Variants in TERB1 observed in about 807,000 individuals in gnomAD.
The protein encoded by TERB1 is telomere repeats-binding bouquet formation protein 1.
Under a neutral mutation model 92.3 loss-of-function variants are expected in TERB1, and 63 were observed. The ratio of observed to expected loss-of-function variants is 0.68; its 90% CI spans 0.56 to 0.84. TERB1 has a LOEUF of 0.84. TERB1 is among the 40% of genes least tolerant of loss of function. The pLI is 0.00. For synonymous variants in TERB1, 252 were observed against 283.9 expected (o/e 0.89, Z 1.13); for missense variants, 709 against 843.7 (o/e 0.84, Z 1.98).
At chr16:66,776,629 AAG>A (rs921191355) in intron 11 of TERB1, among the ~76,000 whole-genome samples, 70 of 152,108 alleles carry the variant, frequency 4.6e-4, no homozygotes, top group African/African-American at 1.6e-3. Flanking sequence ...GAGAGATTAG[AAG>A]AGAGAGGGGT....
intron 16 of TERB1, among the ~76,000 whole-genome samples, chr16:66,764,200 CTT>C (rs1251425755): frequency 2.0e-5 from 3 of 152,086 alleles, no homozygotes; most frequent in Non-Finnish European, 4.4e-5. Flanking sequence ...TGAGAGGTTA[CTT>C]TAGTAGTCCG....
chr16:66,782,549 C>CAA (rs1021881453), intron 9 of TERB1, among the ~76,000 whole-genome samples: 13 of 78,924 alleles, frequency 1.6e-4, no homozygotes, highest in Non-Finnish European at 2.1e-4. Flanking sequence ...AATTCTGTCT[C>CAA]AAAAAAAAAA....
chr16:66,775,797 G>A (rs996538345), intron 11 of TERB1, among the ~76,000 whole-genome samples: 3 of 142,440 alleles, frequency 2.1e-5, no homozygotes, highest in Admixed American at 7.4e-5. Flanking sequence ...TGCAGTCTCC[G>A]CCTCCCGGGT....
intron 9 of TERB1, among the ~76,000 whole-genome samples, chr16:66,785,081 G>A (rs914103393): frequency 6.9e-6 from 1 of 145,562 alleles, no homozygotes; most frequent in Non-Finnish European, 1.5e-5. Context: ...GTGCAATGGT[G>A]TGATCTTGGC....
chr16:66,796,166 T>C (rs1017527162), intron 3 of TERB1, among the ~76,000 whole-genome samples: 2 of 152,250 alleles, frequency 1.3e-5, no homozygotes, highest in African/African-American at 4.8e-5. Context: ...CTATTAAGTT[T>C]ACCATTAACA....
chr16:66,761,481 GA>G (rs2018249171), intron 16 of TERB1, among the ~76,000 whole-genome samples: 1 of 141,914 alleles, frequency 7.0e-6, no homozygotes, highest in Non-Finnish European at 1.5e-5. Flanking sequence ...AAGAAAGAAA[GA>G]AAAGAAAAGA....
At chr16:66,780,296 T>C (rs2018614496) in intron 9 of TERB1, among the ~76,000 whole-genome samples, 2 of 152,146 alleles carry the variant, frequency 1.3e-5, no homozygotes, top group Non-Finnish European at 2.9e-5. Context: ...TAGTAGCTCA[T>C]GTCTGTAATC....
chr16:66,771,668 C>T (rs2018454445), intron 13 of TERB1, among the ~76,000 whole-genome samples: 1 of 136,750 alleles, frequency 7.3e-6, no homozygotes, highest in Admixed American at 7.0e-5. Context: ...CACACACACA[C>T]ACACACACAC....
chr16:66,785,912 A>G lies in TERB1; in HGVS notation c.578-4T>C. On this transcript the variant is annotated splice_region_variant and splice_polypyrimidine_tract_variant and intron_variant, in intron 8 of 18. Coordinates refer to ENST00000433154, the MANE Select transcript of TERB1 (RefSeq NM_001136505.2). ...CAGCAAAACATTTGATTCTCATCTG[A>G]AAGAAGACAAAGTCAATCATGATTT... 6.5e-7 allele frequency: 1 copy of G among 1,539,668 alleles called. No individual in the cohort carries two copies. The highest frequency in any genetic ancestry group is 8.8e-7 in the Non-Finnish European group (1 of 1,141,434).
chr16:66,777,192 C>T lies in TERB1; in HGVS notation c.985+11G>A, dbSNP rs2018562470. The T allele has an allele frequency of 5.2e-6, 8 of 1,537,704 alleles. No individual in the cohort carries two copies. Among genetic ancestry groups the T allele is most frequent in the Non-Finnish European group, 7.0e-6 (8 of 1,141,482 alleles). On this transcript the variant is annotated intron_variant, in intron 11 of 18. Coordinates refer to ENST00000433154, the MANE Select transcript of TERB1 (RefSeq NM_001136505.2). ...ATTTTAATAACCACACTCAATAAAT[C>T]CAATACTTACCACAATCCTCTGTGC...
At position 66,767,415 on chromosome 16, in the gene TERB1, C is replaced by T; in HGVS notation, c.1780G>A (p.Gly594Ser). The change falls in exon 16 of 19, where the codon GGT becomes AGT. Residue 594 changes from glycine (G) to serine (S), a missense_variant and splice_region_variant. Gly to Ser is a moderately conservative substitution (Grantham distance 56, BLOSUM62 0). Transcript: ENST00000433154. ...CAACTGCAATTAAAAAAATACTTAC[C>T]TGAGCACCTATACGTCAACATTTCG... is the stretch of plus-strand genomic sequence containing the variant. ...CSEMLTYRCS[G>S]CIAVEKSLNS... 3.3e-6 allele frequency: 5 copies of T among 1,496,560 alleles called. No individual in the cohort carries two copies. The highest frequency in any genetic ancestry group is 3.4e-4 in the Middle Eastern group (2 of 5,890). 92.7% of individuals were successfully genotyped at this position (1,496,560 alleles called of 1,614,324 possible). A position where few individuals can be genotyped will look rare whatever the true frequency, so the allele number is the denominator to read the frequency against.
At chr16:66,793,406 TG>T (rs1204648172) in intron 3 of TERB1, among the ~76,000 whole-genome samples, 1 of 151,506 alleles carries the variant, frequency 6.6e-6, no homozygotes. Context: ...TTACGAGAGA[TG>T]GGATTTCACC....
intron 16 of TERB1, among the ~76,000 whole-genome samples, chr16:66,760,327 C>T (rs8059983): frequency 0.011 from 1,331 of 122,052 alleles, 11 homozygotes; most frequent in South Asian, 0.039. Context: ...GGCATGGTGG[C>T]GGGTGCCTGT....
intron 11 of TERB1, among the ~76,000 whole-genome samples, chr16:66,775,465 C>A (rs893697548): frequency 2.6e-5 from 4 of 151,922 alleles, no homozygotes; most frequent in Non-Finnish European, 5.9e-5. Context: ...GAAACCCAGT[C>A]TCTATAAAAA....
At position 66,755,234 on chromosome 16, in the gene TERB1, T is replaced by C. The variant is rs1296595379; in HGVS notation, c.1997-71A>G. The C allele has an allele frequency of 8.9e-6, 8 of 895,436 alleles. No homozygotes were observed. The East Asian group carries it at 2.1e-4, about 24-fold the overall frequency. The allele number at this position is 895,436 out of a possible 1,614,324, so 55.5% of individuals were successfully genotyped here. On this transcript the variant is annotated intron_variant, in intron 18 of 18. Coordinates refer to ENST00000433154, the MANE Select transcript of TERB1 (RefSeq NM_001136505.2). ...TCCTGAGATGCAAATAAGTGCTTAT[T>C]TGGATATGCTTAACTTATACCTAAG...
chr16:66,783,512 A>C (rs933663672), intron 9 of TERB1, among the ~76,000 whole-genome samples: 1 of 152,214 alleles, frequency 6.6e-6, no homozygotes, highest in Non-Finnish European at 1.5e-5. Context: ...TCATAGAGCT[A>C]TTAGCCAACA....
At chr16:66,791,084 T>C in intron 3 of TERB1, 65 bp from the exon 4 acceptor site, 1 of 848,734 alleles carries the variant, frequency 1.2e-6, no homozygotes, top group Non-Finnish European at 1.8e-6. Flanking sequence ...CCATTCAAAT[T>C]TCACTTACTA....
chr16:66,763,992 T>C (rs1267254481), intron 16 of TERB1, among the ~76,000 whole-genome samples: 5 of 151,892 alleles, frequency 3.3e-5, no homozygotes, highest in African/African-American at 9.7e-5. Context: ...ATGGCTAGAG[T>C]ACAGAGAAGT....
At position 66,790,652 on chromosome 16, in the gene TERB1, G is replaced by C; in HGVS notation, c.214C>G (p.His72Asp). Reference sequence around the variant, plus strand: ...AAGGCTGCTTCTTTTACCATGCTATGTTCACTTGACTTTGCAAGATTTTTT... The same window carrying C: ...AAGGCTGCTTCTTTTACCATGCTATCTTCACTTGACTTTGCAAGATTTTTT... ...FVKNLAKSSE[H>D]SMVKEAALYT... Residue 72 changes from histidine to aspartate, a missense_variant, in exon 5 of 19, where the codon CAT (histidine) becomes GAT (aspartate). His to Asp is a moderately conservative substitution (Grantham distance 81). Transcript: ENST00000433154. 1 of 1,550,574 alleles carries C rather than the reference G, an allele frequency of 6.4e-7. No individual in the cohort carries two copies. Among genetic ancestry groups the C allele is most frequent in the Non-Finnish European group, 8.7e-7 (1 of 1,146,304 alleles).
Sources: allele counts gnomAD v4.1 joint callset (sites outside exome capture counted in the v4.1 genomes callset), GRCh38; gene constraint gnomAD v4.1.1; transcripts MANE v1.5; gene names NCBI Gene and HGNC (gene_info 2026-07-23, HGNC 2026-07-21).